TRDN: variants seen among roughly 807,000 people sequenced by gnomAD.
TRDN encodes triadin in skeletal muscle.
A neutral mutation model predicts 149.7 loss-of-function variants in TRDN; 161 were observed. The observed-to-expected ratio is 1.08, with a 90% CI of 0.95 to 1.23. The LOEUF (loss-of-function observed/expected upper bound fraction) is 1.23, where lower values mean the gene tolerates loss of function less well. Among genes scored for constraint, TRDN ranks in the 50% most tolerant of loss-of-function variants. The pLI, the probability that TRDN is intolerant of heterozygous loss-of-function variation, is 0.00. For missense variants in TRDN, 896 were observed against 823.5 expected (o/e 1.09, Z -1.08); for synonymous variants, 294 against 250.5 (o/e 1.17, Z -1.64).
chr6:123,418,104 C>T (rs1773731548), intron 12 of TRDN, among the ~76,000 whole-genome samples: 1 of 152,096 alleles, frequency 6.6e-6, no homozygotes, highest in Non-Finnish European at 1.5e-5. Flanking sequence ...TAAGAACATG[C>T]TGTAATAATT....
chr6:123,378,976 T>C, intron 16 of TRDN, among the ~76,000 whole-genome samples: 1 of 152,188 alleles, frequency 6.6e-6, no homozygotes, highest in East Asian at 1.9e-4. Flanking sequence ...TTACATGAAG[T>C]GCTATCATCT....
At chr6:123,318,548 C>T (rs758041328) in intron 23 of TRDN, among the ~76,000 whole-genome samples, 1 of 151,890 alleles carries the variant, frequency 6.6e-6, no homozygotes, top group Non-Finnish European at 1.5e-5. Flanking sequence ...GTTCTGTTTC[C>T]GAAGTATGGC....
intron 4 of TRDN, among the ~76,000 whole-genome samples, chr6:123,539,538 T>C (rs1780721084): frequency 6.6e-6 from 1 of 152,216 alleles, no homozygotes; most frequent in South Asian, 2.1e-4. Flanking sequence ...GACTTGACCA[T>C]AGCTGGTTAA....
chr6:123,399,655 A>G (rs1262021971), intron 12 of TRDN, among the ~76,000 whole-genome samples: 1 of 152,214 alleles, frequency 6.6e-6, no homozygotes, highest in Non-Finnish European at 1.5e-5. Flanking sequence ...GCAAAGAGAC[A>G]GTACCAGCTG....
chr6:123,420,761 C>G (rs547501501), intron 12 of TRDN, among the ~76,000 whole-genome samples: 13 of 151,868 alleles, frequency 8.6e-5, no homozygotes, highest in African/African-American at 3.1e-4. Flanking sequence ...TACTCAGTGT[C>G]GAAAAAAACA....
chr6:123,234,599 G>C (rs1180606921), intron 38 of TRDN, among the ~76,000 whole-genome samples: 2 of 152,052 alleles, frequency 1.3e-5, no homozygotes, highest in Non-Finnish European at 2.9e-5. Flanking sequence ...GAAAAAGAAA[G>C]GCAATAATCT....
intron 13 of TRDN, among the ~76,000 whole-genome samples, 178 bp downstream of exon 13, chr6:123,393,446 C>G (rs1003145902): frequency 6.6e-6 from 1 of 152,082 alleles, no homozygotes; most frequent in Non-Finnish European, 1.5e-5. Flanking sequence ...TACTCTCAGT[C>G]ATGCTTGCTC....
rs930970612 is a variant in TRDN, at chr6:123,332,016, C to T, written c.1421-87G>A. ...AATGAAGTCAGTAAGCTGAAAGTATCAGTAAGCTGAAAGTAAGTGGAAACT... is the reference window on the plus strand; with the variant it reads ...AATGAAGTCAGTAAGCTGAAAGTATTAGTAAGCTGAAAGTAAGTGGAAACT... On this transcript the variant is annotated intron_variant, in intron 22 of 40. Transcript: ENST00000334268. The T allele has an allele frequency of 2.1e-5, 22 of 1,024,740 alleles. No homozygotes were observed. The East Asian group carries it at 4.8e-4, about 23-fold the overall frequency. The allele number at this position is 1,024,740 out of a possible 1,614,324, so 63.5% of individuals were successfully genotyped here.
At chr6:123,471,383 T>G (rs1005296293) in intron 9 of TRDN, 1 of 152,244 alleles carries the variant, frequency 6.6e-6, no homozygotes, top group Admixed American at 6.5e-5. Context: ...AGTACTTGTA[T>G]AGAAGATCAC....
At chr6:123,509,605 G>A (rs1453870587) in intron 7 of TRDN, 2 of 152,110 alleles carry the variant, frequency 1.3e-5, no homozygotes, top group Admixed American at 6.6e-5. Context: ...TGCTTCCTCA[G>A]TTGAAACTAA....
chr6:123,377,024 G>A (rs928578855), intron 18 of TRDN, among the ~76,000 whole-genome samples: 1 of 152,112 alleles, frequency 6.6e-6, no homozygotes, highest in Non-Finnish European at 1.5e-5. Context: ...GATTAATTGG[G>A]CAGGTTAAAT....
chr6:123,352,056 A>G (rs1165752583), intron 21 of TRDN: 1 of 976,836 alleles, frequency 1.0e-6, no homozygotes, highest in African/African-American at 1.8e-5. Flanking sequence ...GGTTGAAGTC[A>G]TAATATAGTA....
chr6:123,349,380 C>G, intron 21 of TRDN: 1 of 290,376 alleles, frequency 3.4e-6, no homozygotes, highest in African/African-American at 2.3e-5. Context: ...CCCCTCACAC[C>G]CATTCCCCAG....
intron 20 of TRDN, among the ~76,000 whole-genome samples, chr6:123,365,539 T>C (rs556272093): frequency 5.9e-5 from 9 of 152,114 alleles, no homozygotes; most frequent in Admixed American, 2.0e-4. Flanking sequence ...TAGTGGAGTA[T>C]GTGTGTAAGG....
At chr6:123,243,199 AGCT>A (rs1271007786) in intron 38 of TRDN, among the ~76,000 whole-genome samples, 1 of 152,112 alleles carries the variant, frequency 6.6e-6, no homozygotes. Context: ...GCAGGCCCAC[AGCT>A]GTCACCAGTC....
At chr6:123,439,331 G>A (rs9490753) in intron 10 of TRDN, among the ~76,000 whole-genome samples, 22,109 of 152,048 alleles carry the variant, frequency 0.15, 2,203 homozygotes, top group African/African-American at 0.29. Flanking sequence ...TAAAAGTATT[G>A]ATATATAAAA....
intron 23 of TRDN, among the ~76,000 whole-genome samples, chr6:123,329,046 G>T (rs1779570517): frequency 6.6e-6 from 1 of 152,036 alleles, no homozygotes; most frequent in African/African-American, 2.4e-5. Context: ...GATGAGAAGA[G>T]CCTTCAAATC....
intron 9 of TRDN, chr6:123,471,728 T>C (rs1300129975): frequency 1.3e-5 from 2 of 152,232 alleles, no homozygotes; most frequent in Admixed American, 6.5e-5. Flanking sequence ...ACATATTTCA[T>C]GCATTCTTTT....
chr6:123,231,670 A>G (rs1775606974), intron 38 of TRDN, among the ~76,000 whole-genome samples: 1 of 152,200 alleles, frequency 6.6e-6, no homozygotes, highest in East Asian at 1.9e-4. Flanking sequence ...TATATGGCCC[A>G]ATCATTTTAA....
Sources: allele counts gnomAD v4.1 joint callset (sites outside exome capture counted in the v4.1 genomes callset), GRCh38; gene constraint gnomAD v4.1.1; transcripts MANE v1.5; gene names NCBI Gene and HGNC (gene_info 2026-07-23, HGNC 2026-07-21).